Variants in GBF1 observed in about 807,000 individuals in gnomAD.
GBF1 encodes the protein golgi brefeldin A resistant guanine nucleotide exchange factor 1.
GBF1 carries 114 observed loss-of-function variants against 210.5 expected under a neutral mutation model. The ratio of observed to expected loss-of-function variants is 0.54; its 90% CI spans 0.47 to 0.63. The LOEUF (loss-of-function observed/expected upper bound fraction) is 0.63, where lower values mean the gene tolerates loss of function less well. Ranked by LOEUF, GBF1 falls within the 30% of genes least tolerant of loss-of-function variation. The pLI, the probability that GBF1 is intolerant of heterozygous loss-of-function variation, is 0.00. For synonymous variants in GBF1, 850 were observed against 889.2 expected, an observed-to-expected ratio of 0.96 and a Z score of 0.78; for missense variants, 1,851 against 2,357.7, an observed-to-expected ratio of 0.79 and a Z score of 4.45.
At chr10:102,231,939 A>C in the GBF1 span, 7 of 1,580,912 alleles carry the variant, frequency 4.4e-6, no homozygotes, top group South Asian at 6.6e-5. Flanking sequence ...TATGTCCTGC[A>C]CCCCCGGAAG....
At chr10:102,381,958 G>A (rs1479441697) in intron 39 of GBF1, 98 bp from the exon 40 acceptor site, 5 of 1,052,792 alleles carry the variant, frequency 4.7e-6, no homozygotes, top group Non-Finnish European at 6.8e-6. Flanking sequence ...ACTGGAACAA[G>A]GAGGAACAGA....
intron 26 of GBF1, 60 bp from the exon 27 acceptor site, chr10:102,370,114 G>A (rs1007486213): frequency 1.1e-5 from 16 of 1,517,434 alleles, no homozygotes; most frequent in Non-Finnish European, 1.5e-5. Context: ...CTGGCTCTTG[G>A]GGACATTCTG....
At chr10:102,316,384 G>A (rs566829175) in intron 3 of GBF1, among the ~76,000 whole-genome samples, 131 of 152,106 alleles carry the variant, frequency 8.6e-4, no homozygotes, top group Non-Finnish European at 1.6e-3. Flanking sequence ...CACCACGCTC[G>A]GCCTTCCCTC....
At chr10:102,258,367 G>T (rs1266047586) in intron 1 of GBF1, among the ~76,000 whole-genome samples, 5 of 150,584 alleles carry the variant, frequency 3.3e-5, no homozygotes, top group Admixed American at 3.3e-4. Flanking sequence ...TGTTGGTCAG[G>T]CTGGTCTTGA....
At chr10:102,352,175 TGA>T (rs1272339081) in intron 6 of GBF1, among the ~76,000 whole-genome samples, 6 of 152,198 alleles carry the variant, frequency 3.9e-5, no homozygotes, top group Non-Finnish European at 4.4e-5. Context: ...GATCCCAGAT[TGA>T]CTTAGCCCAG....
intron 4 of GBF1, among the ~76,000 whole-genome samples, chr10:102,345,518 G>T (rs1224184493): frequency 6.7e-6 from 1 of 150,220 alleles, no homozygotes; most frequent in Non-Finnish European, 1.5e-5. Flanking sequence ...AGGGTGGTAC[G>T]TGCCTGTAAT....
chr10:102,288,225 T>G (rs2076121001), intron 3 of GBF1, among the ~76,000 whole-genome samples: 1 of 152,204 alleles, frequency 6.6e-6, no homozygotes, highest in African/African-American at 2.4e-5. Context: ...AGATAATCCT[T>G]TGTGGTTTCT....
the GBF1 span, chr10:102,232,204 G>A: frequency 1.2e-5 from 8 of 683,136 alleles, no homozygotes; most frequent in Non-Finnish European, 2.1e-5. Flanking sequence ...AACCCCAGCC[G>A]TAAAGCTGGG....
At position 102,351,929 on chromosome 10, in the gene GBF1, C is replaced by G. The variant is rs1244348238; in HGVS notation, c.501C>G (p.Ile167Met). Residue 167 changes from isoleucine to methionine, a missense_variant, in exon 6 of 40, where the codon ATC becomes ATG. Transcript: ENST00000369983. Reference sequence around the variant, plus strand: ...AGATTATGCAGTCTTGCTTCCGGATCTGCTTTGAAATGAGGCTCAGTGGTA... The same window carrying G: ...AGATTATGCAGTCTTGCTTCCGGATGTGCTTTGAAATGAGGCTCAGTGGTA... ...VCEIMQSCFR[I>M]CFEMRLSELL... 6.2e-7 allele frequency: 1 copy of G among 1,605,052 alleles called. No individual in the cohort carries two copies. Among genetic ancestry groups the G allele is most frequent in the Non-Finnish European group, 8.5e-7 (1 of 1,171,762 alleles).
At chr10:102,381,095 GA>G in intron 38 of GBF1, 31 bp from the exon 39 acceptor site, 1 of 1,605,350 alleles carries the variant, frequency 6.2e-7, no homozygotes, top group Non-Finnish European at 8.5e-7. Flanking sequence ...AAAGCACTAA[GA>G]GGTGCCATCT....
intron 2 of GBF1, among the ~76,000 whole-genome samples, chr10:102,259,821 A>G (rs2072959078): frequency 6.6e-6 from 1 of 152,228 alleles, no homozygotes; most frequent in Non-Finnish European, 1.5e-5. Flanking sequence ...TGGTGATGAT[A>G]TAGATTAGCA....
chr10:102,258,667 A>T (rs1446296179), intron 1 of GBF1, among the ~76,000 whole-genome samples: 3 of 150,746 alleles, frequency 2.0e-5, no homozygotes, highest in Non-Finnish European at 3.0e-5. Context: ...CCAGCTACTC[A>T]GGAGGCTGAG....
rs534482657 is a variant in GBF1 at position 102,277,648 on chromosome 10, G to A, written c.163+17532G>A. Among the ~76,000 whole-genome samples the A allele has an allele frequency of 4.6e-5, 7 of 152,220 alleles. No homozygotes were observed. In the East Asian group the frequency reaches 1.4e-3, roughly 29 times the overall value. ...CCCACCTCGGCCTCCCAAAGTGCTAGGATTACAGGCGTGAGCCACCGCACC... is the reference window on the plus strand; with the variant it reads ...CCCACCTCGGCCTCCCAAAGTGCTAAGATTACAGGCGTGAGCCACCGCACC... On this transcript the variant is annotated intron_variant, in intron 3 of 39. Transcript: ENST00000369983.
intron 3 of GBF1, among the ~76,000 whole-genome samples, chr10:102,327,846 G>A (rs747393192): frequency 5.9e-5 from 9 of 152,222 alleles, no homozygotes; most frequent in Non-Finnish European, 1.0e-4. Context: ...CAGACAGACA[G>A]TGTTGGGGAA....
chr10:102,246,122 A>G lies in GBF1; in HGVS notation c.-11+341A>G, dbSNP rs574521879. 2.0e-5 allele frequency among the ~76,000 whole-genome samples: 3 copies of G among 152,316 alleles called. 1 individual carries two copies. In the South Asian group the frequency reaches 6.2e-4, roughly 32 times the overall value. ...CCCAGTACTCAAAAGCTGAAAGCAA[A>G]CCTAAGGAGCATTGTGTCTACTTTT... On this transcript the variant is annotated intron_variant, in intron 1 of 39. Coordinates refer to ENST00000369983, the MANE Select transcript of GBF1 (RefSeq NM_001377137.1).
chr10:102,358,062 G>C lies in GBF1; in HGVS notation c.663G>C (p.Met221Ile). 1.9e-6 allele frequency: 3 copies of C among 1,608,494 alleles called. No individual in the cohort carries two copies. Among genetic ancestry groups the C allele is most frequent in the Non-Finnish European group, 2.6e-6 (3 of 1,174,922 alleles). Residue 221 changes from methionine to isoleucine, a missense_variant, in exon 9 of 40, where the codon ATG becomes ATC. Transcript: ENST00000369983. ...AGCTGAAAATGAGAGCCGGAGGCAT[G>C]AGTGATTCATCCAAATGGAAGAAAC... ...MKKLKMRAGGMSDSSKWKKQK... is the reference protein window; with the variant it reads ...MKKLKMRAGGISDSSKWKKQK...
At chr10:102,238,376 C>A in the GBF1 span, among the ~76,000 whole-genome samples, 1 of 152,196 alleles carries the variant, frequency 6.6e-6, no homozygotes, top group East Asian at 1.9e-4. Context: ...GAGTCCTGGG[C>A]CAATGTTCCC....
chr10:102,382,517 G>A lies in GBF1; in HGVS notation c.*181G>A. The A allele has an allele frequency of 1.8e-6, 1 of 570,370 alleles. No individual in the cohort carries two copies. Among genetic ancestry groups the A allele is most frequent in the Non-Finnish European group, 3.0e-6 (1 of 329,046 alleles). The allele number at this position is 570,370 out of a possible 1,614,324, so 35.3% of individuals were successfully genotyped here. ...CAGCTAAGACCCCCAATCAGCTGTG[G>A]GACCTTTTTCCTCCTCTGCGCTCCA... On this transcript the variant is annotated 3_prime_UTR_variant, in exon 40 of 40. Coordinates refer to ENST00000369983, the MANE Select transcript of GBF1 (RefSeq NM_001377137.1).
Position 102,369,321 on chromosome 10 carries a change from G to A in GBF1, c.3084G>A (p.Trp1028Ter), listed in dbSNP as rs2060079639. The A allele has an allele frequency of 1.2e-6, 2 of 1,613,912 alleles. No homozygotes were observed. The highest frequency in any genetic ancestry group is 8.5e-7 in the Non-Finnish European group (1 of 1,179,890). The change falls in exon 24 of 40, where the codon TGG becomes TGA. Residue 1028 changes from tryptophan to a stop codon, truncating the protein, a stop_gained. Transcript: ENST00000369983. LOFTEE classifies it high-confidence loss of function. ...ATGGTGACATCCTGCGGGAGGGCTGGAAGAATATCATGGAGGCCATGCTGC... is the reference window on the plus strand; with the variant it reads ...ATGGTGACATCCTGCGGGAGGGCTGAAAGAATATCATGGAGGCCATGCTGC... ...HRHGDILREGWKNIMEAMLQL... is the reference protein window; with the variant it reads ...HRHGDILREG
Sources: gnomAD v4.1 joint callset for allele counts (sites outside exome capture counted in the v4.1 genomes callset) on GRCh38, gnomAD v4.1.1 for gene constraint, MANE v1.5 for transcripts, NCBI Gene and HGNC (gene_info 2026-07-23, HGNC 2026-07-21) for gene names.